Variants in MBNL3 observed in about 807,000 individuals in gnomAD.
MBNL3 encodes the protein muscleblind like splicing regulator 3, also known as muscleblind-like protein 3.
Under a neutral mutation model 24.5 loss-of-function variants are expected in MBNL3, and 6 were observed. The ratio of observed to expected loss-of-function variants is 0.25; its 90% CI spans 0.13 to 0.48. The LOEUF is 0.48. Ranked by LOEUF, MBNL3 falls within the 20% of genes least tolerant of loss-of-function variation. The probability of loss-of-function intolerance (pLI) is 0.99; values close to 1 mark genes in which losing one functional copy is unlikely to be tolerated. For missense variants in MBNL3, 230 were observed against 293.5 expected, an observed-to-expected ratio of 0.78 and a Z score of 1.58; for synonymous variants, 100 against 101.7, an observed-to-expected ratio of 0.98 and a Z score of 0.10.
chrX:132,373,254 T>C lies in MBNL3; in HGVS notation c.*6412A>G, dbSNP rs771835051. On this transcript the variant is annotated 3_prime_UTR_variant, in exon 9 of 9. Coordinates refer to ENST00000370853, the MANE Select transcript of MBNL3 (RefSeq NM_001386889.1). ...CCTGACTTAAAATGTCGTATCTCTA[T>C]TGACCTTAGAAAAATACATTCTTGA... The C allele has an allele frequency of 1.9e-4, 21 of 111,667 alleles. No homozygotes were observed. The highest frequency in any genetic ancestry group is 6.5e-4 in the African/African-American group (20 of 30,806). 9.2% of individuals were successfully genotyped at this position (111,667 alleles called of 1,213,427 possible).
At chrX:132,462,311 T>C (rs889036833) in intron 1 of MBNL3, among the ~76,000 whole-genome samples, 2 of 112,446 alleles carry the variant, frequency 1.8e-5, no homozygotes, top group Non-Finnish European at 3.7e-5. Flanking sequence ...AAAGCAACTA[T>C]GTCTCTACTT....
chrX:132,381,955 A>G (rs1935043298), intron 8 of MBNL3, among the ~76,000 whole-genome samples: 1 of 112,191 alleles, frequency 8.9e-6, no homozygotes, highest in Non-Finnish European at 1.9e-5. Flanking sequence ...ATCAAGAGCA[A>G]CATCTGGTAA....
intron 2 of MBNL3, among the ~76,000 whole-genome samples, chrX:132,413,873 CT>C (rs1186031498): frequency 8.9e-6 from 1 of 111,773 alleles, no homozygotes; most frequent in Non-Finnish European, 1.9e-5. Flanking sequence ...AAAGATGAGG[CT>C]TTTAAGTTTT....
chrX:132,428,527 C>A (rs920471967), intron 2 of MBNL3, among the ~76,000 whole-genome samples: 33 of 105,816 alleles, frequency 3.1e-4, no homozygotes, highest in South Asian at 8.1e-4. Context: ...AAAAAAAAAA[C>A]CATAAATTTA....
chrX:132,439,149 T>C (rs1168625314), intron 2 of MBNL3, among the ~76,000 whole-genome samples: 1 of 111,167 alleles, frequency 9.0e-6, no homozygotes, highest in Non-Finnish European at 1.9e-5. Context: ...CAAAAATTCT[T>C]CAATTTTTAT....
chrX:132,483,131 C>A (rs1947828589), intron 1 of MBNL3, among the ~76,000 whole-genome samples: 1 of 111,928 alleles, frequency 8.9e-6, no homozygotes, highest in Non-Finnish European at 1.9e-5. Flanking sequence ...GAAAGAAATG[C>A]CCCCATCCTT....
intron 3 of MBNL3, among the ~76,000 whole-genome samples, chrX:132,406,018 T>G (rs1334741998): frequency 9.0e-6 from 1 of 111,278 alleles, no homozygotes; most frequent in African/African-American, 3.3e-5. Flanking sequence ...CCCTGCTCCT[T>G]TATCCATATT....
intron 2 of MBNL3, among the ~76,000 whole-genome samples, chrX:132,425,256 A>G (rs929610737): frequency 8.9e-6 from 1 of 111,858 alleles, no homozygotes. Flanking sequence ...AAAACCAGCA[A>G]TCATTATCCA....
intron 8 of MBNL3, among the ~76,000 whole-genome samples, chrX:132,379,963 A>C (rs1312766796): frequency 8.9e-6 from 1 of 112,657 alleles, no homozygotes; most frequent in Non-Finnish European, 1.9e-5. Flanking sequence ...TTTGTTGAAC[A>C]TACACCCATG....
chrX:132,394,078 C>T (rs1937590794), intron 3 of MBNL3, among the ~76,000 whole-genome samples: 1 of 111,044 alleles, frequency 9.0e-6, no homozygotes, highest in African/African-American at 3.3e-5. Flanking sequence ...GAATCTGGCA[C>T]CAAAAAACTG....
intron 1 of MBNL3, among the ~76,000 whole-genome samples, chrX:132,483,058 T>A (rs1356730595): frequency 8.9e-6 from 1 of 112,750 alleles, no homozygotes; most frequent in Admixed American, 9.3e-5. Flanking sequence ...GTTGTCCAAT[T>A]ACTTAGGGGA....
chrX:132,448,181 C>T (rs573665065), intron 1 of MBNL3, among the ~76,000 whole-genome samples: 32 of 111,394 alleles, frequency 2.9e-4, no homozygotes, highest in African/African-American at 1.0e-3. Flanking sequence ...ATTAGTCCCT[C>T]TTTTTCTTTT....
chrX:132,386,579 C>T lies in MBNL3; in HGVS notation c.922+82G>A, dbSNP rs751046657. Reference sequence around the variant, plus strand: ...AATACATGTCGACAGTCCTCCTATACAAGCTCTTTGAAAGCTGTTTTGCAT... The same window carrying T: ...AATACATGTCGACAGTCCTCCTATATAAGCTCTTTGAAAGCTGTTTTGCAT... On this transcript the variant is annotated intron_variant, in intron 6 of 8. Transcript: ENST00000370853. The T allele has an allele frequency of 6.4e-6, 7 of 1,090,946 alleles. No homozygotes were observed. The African/African-American group carries it at 1.3e-4, about 20-fold the overall frequency. The allele number at this position is 1,090,946 out of a possible 1,213,427, so 89.9% of individuals were successfully genotyped here. A position where few individuals can be genotyped will look rare whatever the true frequency, so the allele number is the denominator to read the frequency against.
chrX:132,396,922 ATT>A (rs1939737478), intron 3 of MBNL3, among the ~76,000 whole-genome samples: 1 of 48,196 alleles, frequency 2.1e-5, no homozygotes, highest in East Asian at 4.4e-4. Context: ...ATACATATAT[ATT>A]CATATATACA....
chrX:132,437,503 C>A (rs1295546307), intron 2 of MBNL3, among the ~76,000 whole-genome samples: 1 of 111,930 alleles, frequency 8.9e-6, no homozygotes, highest in Non-Finnish European at 1.9e-5. Flanking sequence ...GCAATCTCCA[C>A]AATAATCACA....
chrX:132,393,257 G>A (rs1937479536), intron 3 of MBNL3, among the ~76,000 whole-genome samples: 1 of 109,917 alleles, frequency 9.1e-6, no homozygotes, highest in Admixed American at 9.7e-5. Context: ...TTATCCAGGG[G>A]GCCAGATGAT....
rs1328879650 is a variant in MBNL3 at position 132,384,716 on chromosome X, A to G, written c.923-18T>C. ...TATTGGCCCTGTACACCACGCAGAA[A>G]AGCGTGGAAAGTAAAAGAGATATTT... On this transcript the variant is annotated intron_variant, in intron 6 of 8. Coordinates refer to ENST00000370853, the MANE Select transcript of MBNL3 (RefSeq NM_001386889.1). The G allele has an allele frequency of 8.8e-7, 1 of 1,130,107 alleles. No homozygotes were observed. Among genetic ancestry groups the G allele is most frequent in the Non-Finnish European group, 1.2e-6 (1 of 844,155 alleles). The allele number at this position is 1,130,107 out of a possible 1,213,427, so 93.1% of individuals were successfully genotyped here.
intron 5 of MBNL3, among the ~76,000 whole-genome samples, chrX:132,390,280 A>C (rs994226373): frequency 9.5e-5 from 10 of 104,983 alleles, no homozygotes; most frequent in Non-Finnish European, 1.8e-4. Context: ...AAAAAAAAAA[A>C]AAAAAAAAAA....
At position 132,448,378 on chromosome X, in the gene MBNL3, G is replaced by A. The variant is rs764492852; in HGVS notation, c.-703-8064C>T. ...CTTCCTGGTTTAGTCTTGGGAGGGTGCATGTGTCCAGGAATTTATCCATTT... is the reference window on the plus strand; with the variant it reads ...CTTCCTGGTTTAGTCTTGGGAGGGTACATGTGTCCAGGAATTTATCCATTT... On this transcript the variant is annotated intron_variant, in intron 1 of 8. Transcript: ENST00000370853. Among the ~76,000 whole-genome samples the A allele has an allele frequency of 2.7e-5, 3 of 111,600 alleles. No individual in the cohort carries two copies. The East Asian group carries it at 8.5e-4, about 32-fold the overall frequency.
Sources: allele counts gnomAD v4.1 joint callset (sites outside exome capture counted in the v4.1 genomes callset), GRCh38; gene constraint gnomAD v4.1.1; transcripts MANE v1.5; gene names NCBI Gene and HGNC (gene_info 2026-07-23, HGNC 2026-07-21).